The following L3MBTL4 variants were observed in gnomAD, a reference collection of about 807,000 sequenced individuals.
The protein encoded by L3MBTL4 is lethal(3)malignant brain tumor-like protein 4.
L3MBTL4 carries 70 observed loss-of-function variants against 84.5 expected under a neutral mutation model. The observed-to-expected ratio is 0.83, with a 90% CI of 0.68 to 1.01. The LOEUF (loss-of-function observed/expected upper bound fraction) is 1.01. L3MBTL4 is among the 50% of genes least tolerant of loss of function. L3MBTL4 has a pLI of 0.00. For missense variants in L3MBTL4, 715 were observed against 754.8 expected (o/e 0.95, Z 0.62); for synonymous variants, 274 against 259.8 (o/e 1.05, Z -0.52).
At chr18:6,192,590 G>C (rs998429838) in intron 12 of L3MBTL4, among the ~76,000 whole-genome samples, 3 of 152,166 alleles carry the variant, frequency 2.0e-5, no homozygotes, top group Non-Finnish European at 4.4e-5. Context: ...AGTGAGGCAA[G>C]AGGAATGGGA....
At chr18:6,008,042 G>C (rs933838458) in intron 16 of L3MBTL4, among the ~76,000 whole-genome samples, 1 of 152,212 alleles carries the variant, frequency 6.6e-6, no homozygotes, top group Non-Finnish European at 1.5e-5. Flanking sequence ...TAAGATAGTT[G>C]TGTTTTATGT....
intron 13 of L3MBTL4, among the ~76,000 whole-genome samples, chr18:6,139,179 A>G (rs947635848): frequency 2.6e-5 from 4 of 152,134 alleles, no homozygotes; most frequent in East Asian, 1.9e-4. Context: ...TATATGCTAC[A>G]TCATACACTA....
chr18:5,963,734 T>C (rs1042922438), intron 17 of L3MBTL4, among the ~76,000 whole-genome samples: 2 of 152,262 alleles, frequency 1.3e-5, no homozygotes, highest in African/African-American at 2.4e-5. Context: ...TGAGCTTTCA[T>C]AGAAAGTTCT....
At chr18:6,147,354 T>C (rs1009182817) in intron 13 of L3MBTL4, among the ~76,000 whole-genome samples, 3 of 152,136 alleles carry the variant, frequency 2.0e-5, no homozygotes, top group Non-Finnish European at 4.4e-5. Flanking sequence ...TCCATTGTGC[T>C]ATAATAATTA....
intron 16 of L3MBTL4, among the ~76,000 whole-genome samples, chr18:6,041,938 G>T (rs1244820448): frequency 6.6e-6 from 1 of 152,004 alleles, no homozygotes; most frequent in Non-Finnish European, 1.5e-5. Context: ...GCCCAGGCTG[G>T]TCTTGAACTC....
intron 14 of L3MBTL4, among the ~76,000 whole-genome samples, chr18:6,136,550 C>T (rs1297324705): frequency 6.6e-6 from 1 of 152,180 alleles, no homozygotes; most frequent in Non-Finnish European, 1.5e-5. Flanking sequence ...CAGATGTTTG[C>T]ATAGGAGTGT....
At chr18:6,358,015 AT>A (rs2053521930) in intron 1 of L3MBTL4, among the ~76,000 whole-genome samples, 1 of 152,192 alleles carries the variant, frequency 6.6e-6, no homozygotes, top group Non-Finnish European at 1.5e-5. Flanking sequence ...CGGAGCACAC[AT>A]CACGAAAAGT....
At chr18:6,380,892 G>C (rs2144346305) in intron 1 of L3MBTL4, among the ~76,000 whole-genome samples, 1 of 152,264 alleles carries the variant, frequency 6.6e-6, no homozygotes, top group Admixed American at 6.5e-5. Flanking sequence ...CTGTCTTGTT[G>C]ATCTGTCTAA....
intron 7 of L3MBTL4, among the ~76,000 whole-genome samples, chr18:6,241,987 G>A (rs2047470415): frequency 6.6e-6 from 1 of 152,140 alleles, no homozygotes; most frequent in African/African-American, 2.4e-5. Context: ...TTTCTGCGCC[G>A]CATCTTTACT....
At chr18:6,355,913 G>A (rs984521134) in intron 1 of L3MBTL4, among the ~76,000 whole-genome samples, 2 of 151,560 alleles carry the variant, frequency 1.3e-5, no homozygotes, top group African/African-American at 4.8e-5. Context: ...ATTCACCAGC[G>A]TGTGCATGAT....
intron 12 of L3MBTL4, among the ~76,000 whole-genome samples, chr18:6,182,419 G>T (rs2044517019): frequency 6.6e-6 from 1 of 152,098 alleles, no homozygotes; most frequent in African/African-American, 2.4e-5. Flanking sequence ...TTGTTTGCTT[G>T]TTGATGCGTT....
chr18:6,006,707 G>A (rs563015064), intron 16 of L3MBTL4, among the ~76,000 whole-genome samples: 2 of 152,106 alleles, frequency 1.3e-5, no homozygotes, highest in African/African-American at 2.4e-5. Context: ...AGATATTAAA[G>A]CATGTTAAGA....
intron 1 of L3MBTL4, among the ~76,000 whole-genome samples, chr18:6,379,937 C>T (rs565523846): frequency 1.1e-3 from 171 of 152,188 alleles, no homozygotes; most frequent in Middle Eastern, 6.8e-3. Flanking sequence ...GCTGTGAATC[C>T]GTCTGGTCCT....
chr18:6,256,032 C>T (rs1036359765), intron 5 of L3MBTL4, among the ~76,000 whole-genome samples: 1 of 152,196 alleles, frequency 6.6e-6, no homozygotes, highest in Admixed American at 6.5e-5. Context: ...GAACCATGTT[C>T]ACAGCACAAA....
At chr18:6,162,326 A>G (rs2145023954) in intron 13 of L3MBTL4, among the ~76,000 whole-genome samples, 1 of 152,304 alleles carries the variant, frequency 6.6e-6, no homozygotes, top group African/African-American at 2.4e-5. Context: ...TTGACCAATA[A>G]AGTTATCATA....
intron 14 of L3MBTL4, among the ~76,000 whole-genome samples, chr18:6,109,800 G>T (rs1268095829): frequency 1.3e-5 from 2 of 152,156 alleles, no homozygotes; most frequent in African/African-American, 2.4e-5. Context: ...ATTTAAAAAT[G>T]AGAGAGATTT....
At chr18:6,031,471 G>A (rs377113279) in intron 16 of L3MBTL4, 3 of 985,226 alleles carry the variant, frequency 3.0e-6, no homozygotes, top group Non-Finnish European at 3.6e-6. Context: ...AGAAATTCAG[G>A]GACCATCAGC....
At chr18:6,408,261 A>G (rs371170359) in intron 1 of L3MBTL4, among the ~76,000 whole-genome samples, 1 of 152,240 alleles carries the variant, frequency 6.6e-6, no homozygotes, top group Admixed American at 6.5e-5. Context: ...TGGCAGGATC[A>G]GCAGCAATAA....
In L3MBTL4 at chr18:6,285,509, T is replaced by G. The variant is rs1223241787; in HGVS notation, c.127+16394A>C. Reference sequence around the variant, plus strand: ...GTGTGTGTGTGTGTGTGTATAGCAATTTGTAAGTATATGTGAAAGTCATCA... The same window carrying G: ...GTGTGTGTGTGTGTGTGTATAGCAAGTTGTAAGTATATGTGAAAGTCATCA... On this transcript the variant is annotated intron_variant, in intron 4 of 18. Coordinates refer to ENST00000317931, the MANE Select transcript of L3MBTL4 (RefSeq NM_001330559.2). Among the ~76,000 whole-genome samples, 3 of 151,452 alleles carry G rather than the reference T, an allele frequency of 2.0e-5. No individual in the cohort carries two copies. The East Asian group carries it at 5.8e-4, about 29-fold the overall frequency.
Sources: gnomAD v4.1 joint callset for allele counts (sites outside exome capture counted in the v4.1 genomes callset) on GRCh38, gnomAD v4.1.1 for gene constraint, MANE v1.5 for transcripts, NCBI Gene and HGNC (gene_info 2026-07-23, HGNC 2026-07-21) for gene names.